The following DST variants were observed in gnomAD, a reference collection of about 807,000 sequenced individuals.
The protein encoded by DST is dystonin.
DST carries 253 observed loss-of-function variants against 875.2 expected under a neutral mutation model. The observed-to-expected ratio is 0.29, with a 90% CI of 0.26 to 0.32. DST has a LOEUF of 0.32. DST is among the 10% of genes least tolerant of loss of function. DST has a pLI of 1.00. For synonymous variants in DST, 3,124 were observed against 3,197.1 expected, an observed-to-expected ratio of 0.98 and a Z score of 0.77; for missense variants, 8,287 against 9,111.6, an observed-to-expected ratio of 0.91 and a Z score of 3.68.
intron 87 of DST, among the ~76,000 whole-genome samples, chr6:56,485,705 C>T (rs2095536754): frequency 6.6e-6 from 1 of 152,144 alleles, no homozygotes; most frequent in African/African-American, 2.4e-5. Context: ...CTTTGGAAAC[C>T]ATGGACCCTT....
At chr6:56,810,352 C>T (rs2099758433) in intron 4 of DST, among the ~76,000 whole-genome samples, 1 of 152,136 alleles carries the variant, frequency 6.6e-6, no homozygotes, top group African/African-American at 2.4e-5. Flanking sequence ...CATGATACCA[C>T]CCCTTCCAGA....
At chr6:56,596,459 A>G (rs1213158801) in intron 47 of DST, among the ~76,000 whole-genome samples, 1 of 152,166 alleles carries the variant, frequency 6.6e-6, no homozygotes, top group Non-Finnish European at 1.5e-5. Context: ...ACCCACCAGT[A>G]TTTCTCACTA....
At chr6:56,511,699 A>C (rs763744051) in intron 72 of DST, among the ~76,000 whole-genome samples, 6 of 152,026 alleles carry the variant, frequency 3.9e-5, no homozygotes, top group Non-Finnish European at 8.8e-5. Context: ...TTTTGACAAG[A>C]GCATTAGCCT....
chr6:56,634,459 A>C lies in DST; in HGVS notation c.3494+3T>G, dbSNP rs1212217031. 6.2e-7 allele frequency: 1 copy of C among 1,614,072 alleles called. No homozygotes were observed. The highest frequency in any genetic ancestry group is 8.5e-7 in the Non-Finnish European group (1 of 1,179,980). On this transcript the variant is annotated splice_donor_region_variant and intron_variant, in intron 26 of 103. Coordinates refer to ENST00000680361, the MANE Select transcript of DST (RefSeq NM_001374736.1). ...TCAACATTTTTAGCTAATATATACA[A>C]ACCTGTTGGCAAGGTCCACCGCTTC...
At chr6:56,848,718 C>A (rs556485804) in intron 4 of DST, among the ~76,000 whole-genome samples, 66 of 152,258 alleles carry the variant, frequency 4.3e-4, no homozygotes, top group African/African-American at 1.5e-3. Context: ...TAGCAAAAAG[C>A]TAATTTACCA....
chr6:56,521,227 G>C (rs1171659727), intron 69 of DST, among the ~76,000 whole-genome samples: 1 of 151,936 alleles, frequency 6.6e-6, no homozygotes, highest in African/African-American at 2.4e-5. Context: ...TTGATTATGT[G>C]ATTCATTTAA....
chr6:56,620,406 C>A (rs749433892), intron 36 of DST: 1 of 1,614,072 alleles, frequency 6.2e-7, no homozygotes, highest in Non-Finnish European at 8.5e-7. Context: ...TCTCTTTCAG[C>A]GGCTTCCTTC....
chr6:56,843,574 G>C (rs1178418843), intron 4 of DST: 2 of 983,954 alleles, frequency 2.0e-6, no homozygotes, highest in African/African-American at 1.8e-5. Context: ...GCTTCGGGCC[G>C]GGCCGAGGCC....
intron 64 of DST, among the ~76,000 whole-genome samples, chr6:56,530,862 G>A (rs776200244): frequency 2.4e-4 from 37 of 152,270 alleles, no homozygotes; most frequent in Non-Finnish European, 4.4e-4. Context: ...TGCATACGGA[G>A]TACCTGATTC....
At chr6:56,649,664 C>T (rs1474829160) in intron 12 of DST, among the ~76,000 whole-genome samples, 1 of 152,088 alleles carries the variant, frequency 6.6e-6, no homozygotes, top group East Asian at 1.9e-4. Context: ...TCCTGGCTAC[C>T]AGTAAACAGT....
At chr6:56,888,139 C>T (rs553566518) in intron 3 of DST, among the ~76,000 whole-genome samples, 19 of 151,886 alleles carry the variant, frequency 1.3e-4, no homozygotes, top group African/African-American at 3.4e-4. Flanking sequence ...TTAGTAGAGA[C>T]GGGTTTCACC....
chr6:56,879,886 C>A (rs1247071626), intron 3 of DST, among the ~76,000 whole-genome samples: 1 of 152,204 alleles, frequency 6.6e-6, no homozygotes, highest in African/African-American at 2.4e-5. Flanking sequence ...ACACTCTTAG[C>A]CCCTCCATGA....
chr6:56,942,294 T>A (rs1440004194), intron 2 of DST, among the ~76,000 whole-genome samples: 1 of 152,116 alleles, frequency 6.6e-6, no homozygotes, highest in African/African-American at 2.4e-5. Context: ...ATAATTGGAG[T>A]GTTTGGCCCA....
At chr6:56,831,684 T>C (rs1486647379) in intron 4 of DST, among the ~76,000 whole-genome samples, 1 of 152,190 alleles carries the variant, frequency 6.6e-6, no homozygotes, top group Non-Finnish European at 1.5e-5. Context: ...CATATTTTAA[T>C]GTATAGGATC....
At chr6:56,620,683 C>T in intron 36 of DST, 3 of 1,613,858 alleles carry the variant, frequency 1.9e-6, no homozygotes, top group South Asian at 2.2e-5. Context: ...CTGAATATGC[C>T]CCATGTTCAG....
Position 56,624,634 on chromosome 6 carries a change from A to T in DST, c.4831-6T>A, listed in dbSNP as rs751953259. 4.4e-5 allele frequency: 69 copies of T among 1,578,472 alleles called. No homozygotes were observed. The East Asian group carries it at 1.4e-3, about 32-fold the overall frequency. ...CGAGTCCTTAGGTCCATGAACTGCA[A>T]GTAAGGAAAAAAATAATAAAAGCAT... On this transcript the variant is annotated splice_polypyrimidine_tract_variant and splice_region_variant and intron_variant, in intron 35 of 103. Coordinates refer to ENST00000680361, the MANE Select transcript of DST (RefSeq NM_001374736.1).
At chr6:56,894,371 C>G (rs1217006303) in intron 3 of DST, among the ~76,000 whole-genome samples, 1 of 103,606 alleles carries the variant, frequency 9.7e-6, no homozygotes. Flanking sequence ...CCCCCCACCT[C>G]CCTCCCGGAC....
intron 4 of DST, among the ~76,000 whole-genome samples, chr6:56,792,497 C>A (rs1278713791): frequency 6.6e-6 from 1 of 151,898 alleles, no homozygotes. Context: ...GATAGGGTCT[C>A]ACTATGTTGC....
In DST at chr6:56,528,766, T is replaced by A. The variant is rs1285425584; in HGVS notation, c.17680+75A>T. 9.1e-6 allele frequency: 10 copies of A among 1,104,048 alleles called. No homozygotes were observed. The Admixed American group carries it at 1.4e-4, about 16-fold the overall frequency. The allele number at this position is 1,104,048 out of a possible 1,614,324, so 68.4% of individuals were successfully genotyped here. On this transcript the variant is annotated intron_variant, in intron 67 of 103. Coordinates refer to ENST00000680361, the MANE Select transcript of DST (RefSeq NM_001374736.1). ...AAAAATTATAAAGTGTTTTGGTTTT[T>A]TCCCATCCCTAAAATATTTTGAAAA... is the stretch of plus-strand genomic sequence containing the variant.
Sources: allele counts gnomAD v4.1 joint callset (sites outside exome capture counted in the v4.1 genomes callset), GRCh38; gene constraint gnomAD v4.1.1; transcripts MANE v1.5; gene names NCBI Gene and HGNC (gene_info 2026-07-23, HGNC 2026-07-21).